Variants in SBF2 observed in about 807,000 individuals in gnomAD.
SBF2 encodes the protein SET binding factor 2.
A neutral mutation model predicts 225.2 loss-of-function variants in SBF2; 112 were observed. The ratio of observed to expected loss-of-function variants is 0.50; its 90% confidence interval spans 0.43 to 0.58. SBF2 has a LOEUF of 0.58. Among genes scored for constraint, SBF2 ranks in the 20% least tolerant of loss-of-function variants. The pLI, the probability that SBF2 is intolerant of heterozygous loss-of-function variation, is 0.00. For missense variants in SBF2, 1,996 were observed against 2,206.2 expected (o/e 0.90, Z 1.91); for synonymous variants, 763 against 773.3 (o/e 0.99, Z 0.22).
intron 1 of SBF2, among the ~76,000 whole-genome samples, chr11:10,208,530 C>A (rs1467048594): frequency 6.6e-6 from 1 of 151,612 alleles, no homozygotes; most frequent in East Asian, 1.9e-4. Flanking sequence ...AAGTTTACAG[C>A]AAAGGAGGGG....
Position 9,785,219 on chromosome 11 carries a change from C to T in SBF2, c.5137G>A (p.Glu1713Lys). Residue 1713 changes from glutamate to lysine, a missense_variant, in exon 37 of 40, where the codon GAG (glutamate) becomes AAG (lysine). By Grantham distance (56) the Glu-to-Lys change is moderately conservative (BLOSUM62 1). Transcript: ENST00000256190. ...LLHLPDSSMG[E>K]EQNSSISPSN... ...GGGGAGATGCTGGAATTCTGTTCCT[C>T]CCCCATGCTGCTGTCTGGGAGATGT... is the stretch of plus-strand genomic sequence containing the variant. The T allele has an allele frequency of 3.1e-6, 5 of 1,614,138 alleles. No individual in the cohort carries two copies. The highest frequency in any genetic ancestry group is 4.2e-6 in the Non-Finnish European group (5 of 1,180,008).
At chr11:10,171,136 C>T (rs1363716035) in intron 2 of SBF2, among the ~76,000 whole-genome samples, 1 of 152,086 alleles carries the variant, frequency 6.6e-6, no homozygotes, top group African/African-American at 2.4e-5. Context: ...AGACTTCCTT[C>T]TCTTATCTGG....
intron 12 of SBF2, among the ~76,000 whole-genome samples, chr11:9,989,797 C>G (rs1054479492): frequency 2.0e-5 from 3 of 152,130 alleles, no homozygotes; most frequent in Non-Finnish European, 4.4e-5. Context: ...GTGGTTCCTC[C>G]CTGAGGATTT....
At chr11:9,787,827 T>A in intron 35 of SBF2, 89 bp from the exon 36 acceptor site, 1 of 1,103,072 alleles carries the variant, frequency 9.1e-7, no homozygotes, top group Non-Finnish European at 1.4e-6. Context: ...TAGGCCCAGA[T>A]GAGCAGCATG....
At chr11:10,076,385 A>C (rs908545558) in intron 2 of SBF2, among the ~76,000 whole-genome samples, 1 of 152,232 alleles carries the variant, frequency 6.6e-6, no homozygotes, top group African/African-American at 2.4e-5. Context: ...ACTGGTTTGG[A>C]GAATCTTCAG....
intron 16 of SBF2, among the ~76,000 whole-genome samples, chr11:9,912,139 A>AC (rs1279303621): frequency 1.3e-5 from 2 of 151,298 alleles, no homozygotes; most frequent in Non-Finnish European, 2.9e-5. Flanking sequence ...ACATGGTGAA[A>AC]CCCCATCTCT....
intron 26 of SBF2, among the ~76,000 whole-genome samples, chr11:9,834,254 GGC>G (rs1382410375): frequency 6.6e-6 from 1 of 151,350 alleles, no homozygotes; most frequent in Non-Finnish European, 1.5e-5. Context: ...CACCACACCT[GGC>G]TAATTTTGTA....
chr11:9,802,833 AAAC>A (rs1179499637), intron 32 of SBF2, among the ~76,000 whole-genome samples: 1 of 152,220 alleles, frequency 6.6e-6, no homozygotes, highest in Non-Finnish European at 1.5e-5. Context: ...TTGAGTGAAT[AAAC>A]AATCCCTTTT....
intron 1 of SBF2, among the ~76,000 whole-genome samples, chr11:10,258,715 T>C (rs1162728743): frequency 6.6e-6 from 1 of 152,248 alleles, no homozygotes; most frequent in Non-Finnish European, 1.5e-5. Flanking sequence ...ACTCCCATTC[T>C]GAGATAACTG....
At chr11:9,931,947 G>A (rs1864527595) in intron 16 of SBF2, among the ~76,000 whole-genome samples, 1 of 152,166 alleles carries the variant, frequency 6.6e-6, no homozygotes. Context: ...TGACCTGATG[G>A]AGCTGAAAAC....
chr11:9,931,396 G>A (rs1304337933), intron 16 of SBF2, among the ~76,000 whole-genome samples: 3 of 152,206 alleles, frequency 2.0e-5, no homozygotes, highest in African/African-American at 7.2e-5. Flanking sequence ...CCTCTGGGAC[G>A]AAGCTTTCAG....
chr11:10,071,268 T>TTC, intron 2 of SBF2, among the ~76,000 whole-genome samples: 1 of 142,966 alleles, frequency 7.0e-6, no homozygotes, highest in Non-Finnish European at 1.5e-5. Flanking sequence ...TCTCTCTCTT[T>TTC]TTTTTTTTTT....
Position 9,858,388 on chromosome 11 carries a change from G to C in SBF2, c.1938C>G (p.Ala646=), listed in dbSNP as rs1316000580. Residue 646 remains alanine (A), a synonymous_variant, in exon 18 of 40, where the codon GCC becomes GCG. Transcript: ENST00000256190. ...PLTSAFYRKL[A]PGVSQFAYTC... ...TGTAAGCAAACTGGCTGACTCCAGG[G>C]GCAAGTTTCTGTGAGAACACACAAA... 1 of 1,614,088 alleles carries C rather than the reference G, an allele frequency of 6.2e-7. No homozygotes were observed. Among genetic ancestry groups the C allele is most frequent in the Admixed American group, 1.7e-5 (1 of 60,010 alleles).
At chr11:9,834,398 G>A (rs929235423) in intron 26 of SBF2, among the ~76,000 whole-genome samples, 2 of 152,086 alleles carry the variant, frequency 1.3e-5, no homozygotes, top group African/African-American at 4.8e-5. Context: ...ACAAACCAGT[G>A]GCATTTAGTA....
intron 18 of SBF2, among the ~76,000 whole-genome samples, chr11:9,857,422 G>A (rs994452757): frequency 6.6e-6 from 1 of 152,188 alleles, no homozygotes; most frequent in South Asian, 2.1e-4. Flanking sequence ...CTTAAAAAAT[G>A]ATCAAAAGCA....
chr11:9,933,665 T>C (rs1416970678), intron 16 of SBF2, among the ~76,000 whole-genome samples: 1 of 152,134 alleles, frequency 6.6e-6, no homozygotes, highest in African/African-American at 2.4e-5. Context: ...AAGCAGTGTG[T>C]AGAGGGAAAT....
At chr11:10,175,756 T>C (rs1167456430) in intron 2 of SBF2, among the ~76,000 whole-genome samples, 1 of 151,870 alleles carries the variant, frequency 6.6e-6, no homozygotes, top group Non-Finnish European at 1.5e-5. Flanking sequence ...GACCACATAC[T>C]TGGAAGTAAA....
Position 9,781,592 on chromosome 11 carries a change from A to T in SBF2, c.5366T>A (p.Ile1789Asn). The change falls in exon 39 of 40, where the codon ATT (isoleucine) becomes AAT (asparagine). Residue 1789 changes from isoleucine (I) to asparagine (N), a missense_variant. Coordinates refer to ENST00000256190, the MANE Select transcript of SBF2 (RefSeq NM_030962.4). ...GACCATTTCTACTTCAGCCAGATCAATGTGGCCTTTACAGCTTGTGTCCTC... is the reference window on the plus strand; with the variant it reads ...GACCATTTCTACTTCAGCCAGATCATTGTGGCCTTTACAGCTTGTGTCCTC... ...SGEDTSCKGH[I>N]DLAEVEMVIP... 1 of 1,614,232 alleles carries T rather than the reference A, an allele frequency of 6.2e-7. No homozygotes were observed. Among genetic ancestry groups the T allele is most frequent in the Non-Finnish European group, 8.5e-7 (1 of 1,180,046 alleles).
At chr11:9,859,513 A>AT (rs1474833877) in intron 17 of SBF2, among the ~76,000 whole-genome samples, 1 of 152,144 alleles carries the variant, frequency 6.6e-6, no homozygotes, top group Admixed American at 6.5e-5. Context: ...TTCAATAAAC[A>AT]TTTTTTGGCC....
Sources: gnomAD v4.1 joint callset for allele counts (sites outside exome capture counted in the v4.1 genomes callset) on GRCh38, gnomAD v4.1.1 for gene constraint, MANE v1.5 for transcripts, NCBI Gene and HGNC (gene_info 2026-07-23, HGNC 2026-07-21) for gene names.